GRAMD2B: variants seen among roughly 807,000 people sequenced by gnomAD.
GRAMD2B encodes the protein GRAM domain containing 2B, also known as GRAM domain-containing protein 2B.
A neutral mutation model predicts 59.2 loss-of-function variants in GRAMD2B; 41 were observed. The ratio of observed to expected loss-of-function variants is 0.69; its 90% CI spans 0.54 to 0.90. The LOEUF (loss-of-function observed/expected upper bound fraction) is 0.90, where lower values mean the gene tolerates loss of function less well. GRAMD2B is among the 40% of genes least tolerant of loss of function. The pLI is 0.00. For missense variants in GRAMD2B, 424 were observed against 500.5 expected, an observed-to-expected ratio of 0.85 and a Z score of 1.46; for synonymous variants, 161 against 182.7, an observed-to-expected ratio of 0.88 and a Z score of 0.96.
At chr5:126,473,471 G>A (rs1466632838) in intron 5 of GRAMD2B, 103 bp downstream of exon 5, 2 of 432,494 alleles carry the variant, frequency 4.6e-6, no homozygotes, top group Non-Finnish European at 8.3e-6. Flanking sequence ...TTGTATCATG[G>A]TTATTCTTTT....
chr5:126,459,913 C>T (rs4836263), intron 1 of GRAMD2B, among the ~76,000 whole-genome samples: 131,144 of 152,226 alleles, frequency 0.86, 57,791 homozygotes, highest in East Asian at 1. Flanking sequence ...CCTTTTGACA[C>T]AGCAGTTCCA....
At chr5:126,439,222 C>A (rs950367689) in intron 1 of GRAMD2B, among the ~76,000 whole-genome samples, 5 of 152,096 alleles carry the variant, frequency 3.3e-5, no homozygotes, top group Non-Finnish European at 7.4e-5. Context: ...TCAAAAGTAA[C>A]CTGCAAGAGG....
intron 1 of GRAMD2B, among the ~76,000 whole-genome samples, chr5:126,410,918 G>T (rs1393433148): frequency 6.6e-6 from 1 of 151,984 alleles, no homozygotes. Context: ...CTTTTGAGAA[G>T]TATCTGGTCA....
rs371406623 is a variant in GRAMD2B, at chr5:126,465,377, C to G, written c.84-49C>G. ...TGTTACTTCATCGTTTTCCTTCCAG[C>G]TACCTCTCTCTGAATGTCTAAAGTG... On this transcript the variant is annotated intron_variant, in intron 1 of 13. Transcript: ENST00000285689. 15 of 1,609,814 alleles carry G rather than the reference C, an allele frequency of 9.3e-6. No homozygotes were observed. The African/African-American group carries it at 1.6e-4, about 17-fold the overall frequency.
At chr5:126,487,219 A>C (rs1773109409) in intron 12 of GRAMD2B, among the ~76,000 whole-genome samples, 1 of 152,134 alleles carries the variant, frequency 6.6e-6, no homozygotes, top group South Asian at 2.1e-4. Context: ...GCCTAATTTT[A>C]CATTATCTTG....
intron 12 of GRAMD2B, among the ~76,000 whole-genome samples, chr5:126,488,112 A>G: frequency 6.6e-6 from 1 of 152,222 alleles, no homozygotes; most frequent in African/African-American, 2.4e-5. Context: ...ACATGTATGC[A>G]GGCATACAGG....
At chr5:126,446,181 TGTG>T (rs934775115) in intron 1 of GRAMD2B, among the ~76,000 whole-genome samples, 5 of 152,208 alleles carry the variant, frequency 3.3e-5, no homozygotes, top group African/African-American at 1.2e-4. Flanking sequence ...ATATTGGTAT[TGTG>T]TTTATTTTTT....
chr5:126,485,989 C>G (rs893661723), intron 11 of GRAMD2B, among the ~76,000 whole-genome samples: 2 of 152,136 alleles, frequency 1.3e-5, no homozygotes, highest in African/African-American at 2.4e-5. Flanking sequence ...GGACTAAGTT[C>G]TGAGTGGGTA....
chr5:126,487,191 T>A (rs1773107061), intron 12 of GRAMD2B, among the ~76,000 whole-genome samples: 1 of 152,104 alleles, frequency 6.6e-6, no homozygotes, highest in Non-Finnish European at 1.5e-5. Context: ...ATGTTGCTAG[T>A]AATAAGGCAA....
chr5:126,488,973 C>CT, intron 13 of GRAMD2B, 81 bp downstream of exon 13: 2 of 896,978 alleles, frequency 2.2e-6, no homozygotes, highest in Non-Finnish European at 3.6e-6. Context: ...GGATTACACA[C>CT]TCAGACGCCG....
At chr5:126,474,600 T>C (rs961653194) in intron 5 of GRAMD2B, among the ~76,000 whole-genome samples, 1 of 152,190 alleles carries the variant, frequency 6.6e-6, no homozygotes, top group South Asian at 2.1e-4. Flanking sequence ...CAATGTGATA[T>C]AGTTCTCAGG....
At chr5:126,482,729 A>C (rs780331707) in intron 8 of GRAMD2B, among the ~76,000 whole-genome samples, 1 of 152,246 alleles carries the variant, frequency 6.6e-6, no homozygotes, top group Non-Finnish European at 1.5e-5. Context: ...ATTTGCTTAC[A>C]AGATGAGTCT....
chr5:126,473,398 C>A, intron 5 of GRAMD2B, 30 bp downstream of exon 5: 2 of 773,168 alleles, frequency 2.6e-6, no homozygotes, highest in South Asian at 2.0e-5. Context: ...AAAATGCTAA[C>A]CCTATACTTT....
At chr5:126,465,597 C>G in intron 2 of GRAMD2B, 52 bp downstream of exon 2, 1 of 1,543,194 alleles carries the variant, frequency 6.5e-7, no homozygotes, top group Non-Finnish European at 8.9e-7. Flanking sequence ...GGGGAGAAGG[C>G]GTTACAGGAG....
chr5:126,444,913 G>A (rs540721098), intron 1 of GRAMD2B, among the ~76,000 whole-genome samples: 3 of 152,202 alleles, frequency 2.0e-5, no homozygotes, highest in East Asian at 1.9e-4. Flanking sequence ...TGTTCTCATC[G>A]TTCAACCTCC....
chr5:126,397,182 A>G (rs1757430203), intron 1 of GRAMD2B, among the ~76,000 whole-genome samples: 1 of 152,116 alleles, frequency 6.6e-6, no homozygotes, highest in Non-Finnish European at 1.5e-5. Context: ...GTTTTTCCCC[A>G]TTGTTTAGGA....
At chr5:126,376,533 C>T (rs1755199119) in intron 1 of GRAMD2B, among the ~76,000 whole-genome samples, 1 of 152,224 alleles carries the variant, frequency 6.6e-6, no homozygotes, top group Admixed American at 6.5e-5. Flanking sequence ...GCCAACCCCA[C>T]TTCTCCTGCT....
chr5:126,386,075 T>A (rs985679782), intron 1 of GRAMD2B, among the ~76,000 whole-genome samples: 2 of 152,228 alleles, frequency 1.3e-5, no homozygotes, highest in Non-Finnish European at 1.5e-5. Context: ...TCCCAAATTA[T>A]AAACAAAATA....
At chr5:126,422,011 C>T (rs1490356530), upstream of GRAMD2B, among the ~76,000 whole-genome samples, 1 of 152,114 alleles carries the variant, frequency 6.6e-6, no homozygotes, top group Non-Finnish European at 1.5e-5. Flanking sequence ...CCAATAATAA[C>T]GTTTATATTA....
Sources: gnomAD v4.1 joint callset for allele counts (sites outside exome capture counted in the v4.1 genomes callset) on GRCh38, gnomAD v4.1.1 for gene constraint, MANE v1.5 for transcripts, NCBI Gene and HGNC (gene_info 2026-07-23, HGNC 2026-07-21) for gene names.